The following FAM174B variants were observed in gnomAD, a reference collection of about 807,000 sequenced individuals.
The protein encoded by FAM174B is membrane protein FAM174B.
Under a neutral mutation model 10.9 loss-of-function variants are expected in FAM174B, and 12 were observed. The ratio of observed to expected loss-of-function variants is 1.10; its 90% confidence interval spans 0.71 to 1.79. The LOEUF (loss-of-function observed/expected upper bound fraction) is 1.79, where lower values mean the gene tolerates loss of function less well. FAM174B is among the 40% of genes most tolerant of loss of function. The pLI, the probability that FAM174B is intolerant of heterozygous loss-of-function variation, is 0.00. For synonymous variants in FAM174B, 132 were observed against 115.8 expected (o/e 1.14, Z -0.90); for missense variants, 266 against 233.3 (o/e 1.14, Z -0.91).
At position 92,655,613 on chromosome 15, in the gene FAM174B, A is replaced by AC; in HGVS notation, c.46_47insG (p.Leu16ArgfsTer112). ...GGCGGCGGGAGCGGCCAGGAGCGCG[A>AC]GCAGCAGCAGCGGCAGGAGCGGGGC... On this transcript the variant is annotated frameshift_variant, in exon 1 of 3. Transcript: ENST00000327355. LOFTEE classifies it high-confidence loss of function. 3 of 1,268,226 alleles carry AC rather than the reference A, an allele frequency of 2.4e-6. No homozygotes were observed. The highest frequency in any genetic ancestry group is 3.0e-6 in the Non-Finnish European group (3 of 1,011,024). The allele number at this position is 1,268,226 out of a possible 1,614,324, so 78.6% of individuals were successfully genotyped here.
At chr15:92,643,951 T>C (rs2050908982) in intron 1 of FAM174B, among the ~76,000 whole-genome samples, 1 of 152,114 alleles carries the variant, frequency 6.6e-6, no homozygotes, top group Admixed American at 6.5e-5. Flanking sequence ...GTGCCGCCAG[T>C]GTAGACAGGA....
At chr15:92,641,409 C>A (rs1286277640) in intron 1 of FAM174B, among the ~76,000 whole-genome samples, 1 of 152,190 alleles carries the variant, frequency 6.6e-6, no homozygotes, top group Admixed American at 6.5e-5. Flanking sequence ...ATGACACCTA[C>A]ATGCCCATTA....
intron 2 of FAM174B, among the ~76,000 whole-genome samples, chr15:92,629,628 G>A (rs1294322611): frequency 1.3e-5 from 2 of 152,188 alleles, no homozygotes; most frequent in African/African-American, 2.4e-5. Context: ...AGGTGACTTT[G>A]TGTTCTCCTT....
chr15:92,655,491 A>G lies in FAM174B; in HGVS notation c.169T>C (p.Phe57Leu), dbSNP rs1357915842. The G allele has an allele frequency of 1.8e-5, 27 of 1,532,248 alleles. No homozygotes were observed. Among genetic ancestry groups the G allele is most frequent in the Non-Finnish European group, 2.3e-5 (26 of 1,141,874 alleles). 94.9% of individuals were successfully genotyped at this position (1,532,248 alleles called of 1,614,324 possible). ...CTGCCGCCCGCCGCCCCAGACCCAA[A>G]CCGGGTGGTGTTCCCGGGCCCCGGG... is the stretch of plus-strand genomic sequence containing the variant. ...PGPGPGNTTR[F>L]GSGAAGGSGS... The change falls in exon 1 of 3, where the codon TTT (phenylalanine) becomes CTT (leucine). Residue 57 changes from phenylalanine (F) to leucine (L), a missense_variant. Transcript: ENST00000327355.
At chr15:92,633,182 G>A (rs983877858) in intron 1 of FAM174B, among the ~76,000 whole-genome samples, 4 of 152,104 alleles carry the variant, frequency 2.6e-5, no homozygotes, top group South Asian at 2.1e-4. Context: ...CTGACCATAC[G>A]CTATTCCCGA....
In FAM174B at chr15:92,618,586, C is replaced by T. The variant is rs1008727737; in HGVS notation, c.*870G>A. ...TTTTTAAAATGGTTTTTAAAAATTA[C>T]ATTTCTAAGGCAAACAACGTAGAAC... On this transcript the variant is annotated 3_prime_UTR_variant, in exon 3 of 3. Coordinates refer to ENST00000327355, the MANE Select transcript of FAM174B (RefSeq NM_207446.3). The T allele has an allele frequency of 1.3e-5, 2 of 152,710 alleles. No homozygotes were observed. Among genetic ancestry groups the T allele is most frequent in the African/African-American group, 4.8e-5 (2 of 41,462 alleles). 9.5% of individuals were successfully genotyped at this position (152,710 alleles called of 1,614,324 possible). A position where few individuals can be genotyped will look rare whatever the true frequency, so the allele number is the denominator to read the frequency against.
intron 2 of FAM174B, among the ~76,000 whole-genome samples, chr15:92,625,616 T>C: frequency 6.6e-6 from 1 of 152,252 alleles, no homozygotes; most frequent in East Asian, 1.9e-4. Flanking sequence ...TGATTCATTG[T>C]TTGGGTAGAA....
At chr15:92,645,168 C>T (rs2050918208) in intron 1 of FAM174B, among the ~76,000 whole-genome samples, 1 of 152,214 alleles carries the variant, frequency 6.6e-6, no homozygotes, top group Non-Finnish European at 1.5e-5. Context: ...CTAAATCCTT[C>T]CTTATCTCTG....
Position 92,646,876 on chromosome 15 carries a change from A to C in FAM174B, c.344+8440T>G, listed in dbSNP as rs190382332. Among the ~76,000 whole-genome samples, 659 of 152,280 alleles carry C rather than the reference A, an allele frequency of 4.3e-3. 1 individual carries two copies. The highest frequency in any genetic ancestry group is 6.4e-3 in the Non-Finnish European group (437 of 68,020). Reference sequence around the variant, plus strand: ...TATCCTGCCTTTCTGGACCAAACCAATGTACATCTTACATGTATTTGATAT... The same window carrying C: ...TATCCTGCCTTTCTGGACCAAACCACTGTACATCTTACATGTATTTGATAT... On this transcript the variant is annotated intron_variant, in intron 1 of 2. Transcript: ENST00000327355.
intron 1 of FAM174B, among the ~76,000 whole-genome samples, chr15:92,631,348 TAATATATTA>T (rs1318288695): frequency 6.3e-4 from 13 of 20,648 alleles, no homozygotes; most frequent in African/African-American, 1.2e-3. Context: ...ATATTATATA[TAATATATTA>T]TATATTATAT....
intron 2 of FAM174B, among the ~76,000 whole-genome samples, chr15:92,629,842 A>G (rs443598): frequency 0.73 from 110,911 of 151,976 alleles, 43,775 homozygotes; most frequent in Non-Finnish European, 0.88. Context: ...CTGACAGTGA[A>G]TAAGTCTCAC....
Position 92,619,029 on chromosome 15 carries a change from G to C in FAM174B, c.*427C>G, listed in dbSNP as rs1052432363. Reference sequence around the variant, plus strand: ...TCCAATGTGTAGATCCAGTAGAGAAGAATGTCGGAAATTCTAAATACACAG... The same window carrying C: ...TCCAATGTGTAGATCCAGTAGAGAACAATGTCGGAAATTCTAAATACACAG... On this transcript the variant is annotated 3_prime_UTR_variant, in exon 3 of 3. Transcript: ENST00000327355. The C allele has an allele frequency of 1.1e-4, 49 of 433,926 alleles. No individual in the cohort carries two copies. The South Asian group carries it at 1.8e-3, about 16-fold the overall frequency. The allele number at this position is 433,926 out of a possible 1,614,324, so 26.9% of individuals were successfully genotyped here.
At chr15:92,628,454 A>G (rs1053160520) in intron 2 of FAM174B, among the ~76,000 whole-genome samples, 3 of 150,020 alleles carry the variant, frequency 2.0e-5, no homozygotes, top group African/African-American at 7.4e-5. Flanking sequence ...TGCTGAGACT[A>G]CACGCATGAG....
Position 92,655,619 on chromosome 15 carries a change from A to T in FAM174B, c.41T>A (p.Leu14Gln). 1 of 1,266,450 alleles carries T rather than the reference A, an allele frequency of 7.9e-7. No individual in the cohort carries two copies. The highest frequency in any genetic ancestry group is 9.9e-7 in the Non-Finnish European group (1 of 1,009,872). 78.5% of individuals were successfully genotyped at this position (1,266,450 alleles called of 1,614,324 possible). The change falls in exon 1 of 3, where the codon CTG (leucine) becomes CAG (glutamine). Residue 14 changes from leucine to glutamine, a missense_variant. Coordinates refer to ENST00000327355, the MANE Select transcript of FAM174B (RefSeq NM_207446.3). ...VPLPAPLLPL[L>Q]LLALLAAPAA... ...GGGAGCGGCCAGGAGCGCGAGCAGC[A>T]GCAGCGGCAGGAGCGGGGCGGGCAG...
chr15:92,643,344 A>ATGTGTGTGTG (rs61322216), intron 1 of FAM174B, among the ~76,000 whole-genome samples: 15,054 of 137,986 alleles, frequency 0.11, 901 homozygotes, highest in Admixed American at 0.11. Flanking sequence ...TAGGGAAGGA[A>ATGTGTGTGTG]TGTGTGTGTG....
chr15:92,651,524 T>C (rs76960382), intron 1 of FAM174B, among the ~76,000 whole-genome samples: 1,873 of 152,364 alleles, frequency 0.012, 36 homozygotes, highest in African/African-American at 0.043. Flanking sequence ...GTTTATAATT[T>C]ATTTAAATGA....
chr15:92,655,684 G>T lies in FAM174B; in HGVS notation c.-25C>A. ...TAGTGCGGTGGGTCGGCACAGGATCGGGCAGGGCGCGCGCGGCTGAGCTCC... is the reference window on the plus strand; with the variant it reads ...TAGTGCGGTGGGTCGGCACAGGATCTGGCAGGGCGCGCGCGGCTGAGCTCC... On this transcript the variant is annotated 5_prime_UTR_variant, in exon 1 of 3. Transcript: ENST00000327355. 8 of 1,241,302 alleles carry T rather than the reference G, an allele frequency of 6.4e-6. No homozygotes were observed. The highest frequency in any genetic ancestry group is 8.0e-6 in the Non-Finnish European group (8 of 993,910). 76.9% of individuals were successfully genotyped at this position (1,241,302 alleles called of 1,614,324 possible).
At chr15:92,653,647 T>C (rs1379002217) in intron 1 of FAM174B, among the ~76,000 whole-genome samples, 2 of 152,166 alleles carry the variant, frequency 1.3e-5, no homozygotes, top group Non-Finnish European at 2.9e-5. Context: ...GATGCACAGA[T>C]TAGGGATGAG....
intron 1 of FAM174B, among the ~76,000 whole-genome samples, chr15:92,635,145 C>T (rs997283447): frequency 3.2e-5 from 4 of 125,144 alleles, no homozygotes; most frequent in South Asian, 3.0e-4. Context: ...TCCTCTCTTT[C>T]GCTCACTATC....
Sources: allele counts gnomAD v4.1 joint callset (sites outside exome capture counted in the v4.1 genomes callset), GRCh38; gene constraint gnomAD v4.1.1; transcripts MANE v1.5; gene names NCBI Gene and HGNC (gene_info 2026-07-23, HGNC 2026-07-21).